ZNF577: variants seen among roughly 807,000 people sequenced by gnomAD.
ZNF577 encodes zinc finger protein 577.
A neutral mutation model predicts 13.9 loss-of-function variants in ZNF577; 14 were observed. That is an observed-to-expected ratio of 1.00 (90% confidence interval 0.66 to 1.57). The LOEUF (loss-of-function observed/expected upper bound fraction) is 1.57. Ranked by LOEUF, ZNF577 falls within the 40% of genes most tolerant of loss-of-function variation. The probability of loss-of-function intolerance (pLI) is 0.00; values close to 1 mark genes in which losing one functional copy is unlikely to be tolerated. For missense variants in ZNF577, 555 were observed against 579.2 expected (o/e 0.96, Z 0.43); for synonymous variants, 203 against 202.9 (o/e 1.00, Z 0.00).
chr19:51,847,774 G>A (rs1416451644), intron 5 of ZNF577, among the ~76,000 whole-genome samples: 1 of 152,156 alleles, frequency 6.6e-6, no homozygotes, highest in Non-Finnish European at 1.5e-5. Flanking sequence ...GGATTCCTAA[G>A]GGCTTTAGGC....
chr19:51,814,227 C>A (rs1031563874), intron 9 of ZNF577, among the ~76,000 whole-genome samples: 4 of 152,170 alleles, frequency 2.6e-5, no homozygotes, highest in Admixed American at 1.3e-4. Flanking sequence ...GTTGTTTCAG[C>A]CGGAGGACAA....
intron 5 of ZNF577, among the ~76,000 whole-genome samples, chr19:51,859,901 A>G (rs2084478690): frequency 6.6e-6 from 1 of 152,148 alleles, no homozygotes; most frequent in Non-Finnish European, 1.5e-5. Context: ...AGTACATGTC[A>G]CATAGTACAG....
Position 51,870,755 on chromosome 19 carries a change from A to G in ZNF577, c.*1777T>C, listed in dbSNP as rs2084646283. ...CCACCTTGAATTCCTCAAACCCTAAACTCTGTCTCAATTCAGAGAGATGGC... is the reference window on the plus strand; with the variant it reads ...CCACCTTGAATTCCTCAAACCCTAAGCTCTGTCTCAATTCAGAGAGATGGC... On this transcript the variant is annotated 3_prime_UTR_variant, in exon 6 of 6. Transcript: ENST00000638348. Among the ~76,000 whole-genome samples the G allele has an allele frequency of 1.3e-5, 2 of 151,462 alleles. No homozygotes were observed. The highest frequency in any genetic ancestry group is 6.6e-5 in the Admixed American group (1 of 15,190).
Position 51,874,828 on chromosome 19 carries a change from A to G in ZNF577, c.284-1122T>C, listed in dbSNP as rs115589146. Among the ~76,000 whole-genome samples the G allele has an allele frequency of 7.0e-3, 1,071 of 152,314 alleles. 15 individuals carry two copies. Among genetic ancestry groups the G allele is most frequent in the African/African-American group, 0.024 (990 of 41,560 alleles). On this transcript the variant is annotated intron_variant, in intron 5 of 5. Coordinates refer to ENST00000638348, the MANE Select transcript of ZNF577 (RefSeq NM_001370449.1). ...TACAATGGAGATGGAGAAATGTGAA[A>G]AAACAAGAACATAAGTATGGAGGAG... is the stretch of plus-strand genomic sequence containing the variant.
chr19:51,857,104 T>C (rs1364139800), intron 5 of ZNF577, among the ~76,000 whole-genome samples: 1 of 152,022 alleles, frequency 6.6e-6, no homozygotes, highest in Non-Finnish European at 1.5e-5. Flanking sequence ...ATCGAGACTA[T>C]CCTGGCCAAC....
chr19:51,826,676 G>A (rs1322631634), intron 9 of ZNF577, among the ~76,000 whole-genome samples: 2 of 152,216 alleles, frequency 1.3e-5, no homozygotes, highest in Non-Finnish European at 2.9e-5. Context: ...CAGTAAACAT[G>A]ATGCTGGCCA....
chr19:51,826,584 C>T (rs1051732169), intron 9 of ZNF577, among the ~76,000 whole-genome samples: 2 of 152,162 alleles, frequency 1.3e-5, no homozygotes, highest in Non-Finnish European at 2.9e-5. Context: ...TGTAATCACC[C>T]AGTGGGTTCT....
intron 5 of ZNF577, among the ~76,000 whole-genome samples, chr19:51,858,556 T>G (rs1446572453): frequency 6.6e-6 from 1 of 152,190 alleles, no homozygotes; most frequent in Non-Finnish European, 1.5e-5. Flanking sequence ...TCTTGACAAC[T>G]GTCAAACAAA....
intron 5 of ZNF577, among the ~76,000 whole-genome samples, chr19:51,874,879 C>A (rs1405737612): frequency 6.6e-6 from 1 of 152,114 alleles, no homozygotes; most frequent in African/African-American, 2.4e-5. Context: ...ACTCTTAGAA[C>A]ACATGTTCCC....
chr19:51,852,094 G>T (rs1008241702), intron 5 of ZNF577, among the ~76,000 whole-genome samples: 4 of 152,208 alleles, frequency 2.6e-5, no homozygotes, highest in Admixed American at 1.3e-4. Context: ...TGGCCTGGCT[G>T]TCCTGCCTCT....
rs551317480 is a variant in ZNF577 at position 51,871,815 on chromosome 19, G to A, written c.*717C>T. On this transcript the variant is annotated 3_prime_UTR_variant, in exon 6 of 6. Transcript: ENST00000638348. ...TTTGGGCAGCTTCTAGAAGCTGGAAGGGCAAAGAAAGACGCTCCCCTAGAG... is the reference window on the plus strand; with the variant it reads ...TTTGGGCAGCTTCTAGAAGCTGGAAAGGCAAAGAAAGACGCTCCCCTAGAG... The A allele has an allele frequency of 1.3e-5, 2 of 152,130 alleles. No individual in the cohort carries two copies. Among genetic ancestry groups the A allele is most frequent in the Non-Finnish European group, 2.9e-5 (2 of 68,038 alleles). 9.4% of individuals were successfully genotyped at this position (152,130 alleles called of 1,614,324 possible).
intron 1 of ZNF577, chr19:51,886,582 T>C (rs1324848584): frequency 6.6e-6 from 1 of 151,838 alleles, no homozygotes; most frequent in Non-Finnish European, 1.5e-5. Flanking sequence ...TCAAAGAAAA[T>C]TTTAAAGAGA....
At chr19:51,865,025 T>C (rs2084544782), downstream of ZNF577, among the ~76,000 whole-genome samples, 2 of 152,196 alleles carry the variant, frequency 1.3e-5, no homozygotes, top group South Asian at 2.1e-4. Flanking sequence ...TTCACATAAA[T>C]GTAAGTGCTG....
intron 9 of ZNF577, among the ~76,000 whole-genome samples, chr19:51,817,527 T>TA (rs77692077): frequency 0.098 from 14,860 of 151,648 alleles, 962 homozygotes; most frequent in East Asian, 0.2. Context: ...TTTTTTTTTT[T>TA]AAATTATTGT....
rs1489216576 is a variant in ZNF577, at chr19:51,858,563, C to CA, written c.284-13633dup. ...AAAAGATTTCTTGACAACTGTCAAA[C>CA]AAAATGGGGAAGGGGCAAAAATCTA... On this transcript the variant is annotated intron_variant and NMD_transcript_variant, in intron 5 of 10. Transcript: ENST00000638827. Among the ~76,000 whole-genome samples, 3 of 152,052 alleles carry CA rather than the reference C, an allele frequency of 2.0e-5. No individual in the cohort carries two copies. The East Asian group carries it at 5.8e-4, about 29-fold the overall frequency.
intron 9 of ZNF577, among the ~76,000 whole-genome samples, chr19:51,832,290 G>C (rs1270450214): frequency 6.6e-6 from 1 of 152,054 alleles, no homozygotes; most frequent in Non-Finnish European, 1.5e-5. Flanking sequence ...GCAATGTGAT[G>C]ATCTGCTCTA....
chr19:51,867,276 C>A lies in ZNF577; in HGVS notation c.*5256G>T, dbSNP rs372167052. ...GGCAAAAGAAAGAAGCAAAACCTCA[C>A]CGGGGCTTTTATCGTTTTTTTCTTC... is the stretch of plus-strand genomic sequence containing the variant. On this transcript the variant is annotated 3_prime_UTR_variant, in exon 6 of 6. Coordinates refer to ENST00000638348, the MANE Select transcript of ZNF577 (RefSeq NM_001370449.1). Among the ~76,000 whole-genome samples, 3 of 152,240 alleles carry A rather than the reference C, an allele frequency of 2.0e-5. No homozygotes were observed. Among genetic ancestry groups the A allele is most frequent in the African/African-American group, 7.2e-5 (3 of 41,544 alleles).
chr19:51,876,508 A>G (rs2084766112), intron 5 of ZNF577, among the ~76,000 whole-genome samples: 1 of 151,804 alleles, frequency 6.6e-6, no homozygotes. Flanking sequence ...GTAAGTCGAC[A>G]GAGATGCCCC....
At chr19:51,805,043 G>T (rs954095351) in exon 11 of ZNF577, 2 of 152,102 alleles carry the variant, frequency 1.3e-5, no homozygotes, top group African/African-American at 4.8e-5. Flanking sequence ...ACCTTCTGGC[G>T]GCAGGCACAG....
Sources: gnomAD v4.1 joint callset for allele counts (sites outside exome capture counted in the v4.1 genomes callset) on GRCh38, gnomAD v4.1.1 for gene constraint, MANE v1.5 for transcripts, NCBI Gene and HGNC (gene_info 2026-07-23, HGNC 2026-07-21) for gene names.